The following FAM168A variants were observed in gnomAD, a reference collection of about 807,000 sequenced individuals.
FAM168A encodes family with sequence similarity 168 member A.
A neutral mutation model predicts 28.5 loss-of-function variants in FAM168A; 3 were observed. The observed-to-expected ratio is 0.11, with a 90% CI of 0.05 to 0.27. FAM168A has a LOEUF of 0.27. FAM168A is among the 10% of genes least tolerant of loss of function. The probability of loss-of-function intolerance (pLI) is 1.00; values close to 1 mark genes in which losing one functional copy is unlikely to be tolerated. For missense variants in FAM168A, 222 were observed against 311.5 expected (o/e 0.71, Z 2.16); for synonymous variants, 122 against 124.2 (o/e 0.98, Z 0.12).
At chr11:73,587,398 A>G (rs574602509) in intron 1 of FAM168A, among the ~76,000 whole-genome samples, 1 of 152,118 alleles carries the variant, frequency 6.6e-6, no homozygotes, top group South Asian at 2.1e-4. Flanking sequence ...TGGCTGAGGC[A>G]GGAGAATTGC....
rs1866455723 is a variant in FAM168A at position 73,403,826 on chromosome 11, C to T, written c.*2937G>A. Reference sequence around the variant, plus strand: ...CTGAAAAAGGGGTGCTGGACCTGGGCTCTTCCAGACCACAGCCTTTCAGTG... The same window carrying T: ...CTGAAAAAGGGGTGCTGGACCTGGGTTCTTCCAGACCACAGCCTTTCAGTG... On this transcript the variant is annotated 3_prime_UTR_variant, in exon 8 of 8. Transcript: ENST00000356467. The T allele has an allele frequency of 6.6e-6, 1 of 152,270 alleles. No individual in the cohort carries two copies. 9.4% of individuals were successfully genotyped at this position (152,270 alleles called of 1,614,324 possible). A position where few individuals can be genotyped will look rare whatever the true frequency, so the allele number is the denominator to read the frequency against.
intron 6 of FAM168A, among the ~76,000 whole-genome samples, chr11:73,408,604 C>CA: frequency 6.6e-6 from 1 of 152,082 alleles, no homozygotes; most frequent in Non-Finnish European, 1.5e-5. Context: ...CATGGTGAAA[C>CA]CCTGCCTCCA....
rs575124714 is a variant in FAM168A at position 73,587,321 on chromosome 11, G to A, written c.-19+10602C>T. Among the ~76,000 whole-genome samples, 283 of 152,038 alleles carry A rather than the reference G, an allele frequency of 1.9e-3. 2 individuals carry two copies. Among genetic ancestry groups the A allele is most frequent in the African/African-American group, 6.7e-3 (277 of 41,498 alleles). On this transcript the variant is annotated intron_variant, in intron 1 of 7. Coordinates refer to ENST00000356467, the MANE Select transcript of FAM168A (RefSeq NM_015159.3). The stretch of plus-strand genomic sequence containing the variant: ...GCCTGGCTAACATGGCAAAAACCCC[G>A]TTTCTACTAAAAATACAAAAATTAG...
At chr11:73,455,492 T>C (rs191478379) in intron 2 of FAM168A, among the ~76,000 whole-genome samples, 1 of 152,348 alleles carries the variant, frequency 6.6e-6, no homozygotes, top group Admixed American at 6.5e-5. Context: ...TTATTTATTA[T>C]GTTAGGCTTT....
intron 1 of FAM168A, among the ~76,000 whole-genome samples, chr11:73,492,388 T>C (rs1868140718): frequency 6.6e-6 from 1 of 152,186 alleles, no homozygotes; most frequent in Non-Finnish European, 1.5e-5. Flanking sequence ...GGTTTATGCC[T>C]ATAATCTCAG....
Position 73,453,614 on chromosome 11 carries a change from C to T in FAM168A, c.70+14791G>A, listed in dbSNP as rs2134550682. Among the ~76,000 whole-genome samples, 3 of 152,278 alleles carry T rather than the reference C, an allele frequency of 2.0e-5. No individual in the cohort carries two copies. The Middle Eastern group carries it at 0.01, about 518-fold the overall frequency. On this transcript the variant is annotated intron_variant, in intron 2 of 7. Transcript: ENST00000356467. ...TCCTTAAAGTCTCACGAATAAGTGACAGATAGGGTAGATACTATTATTCCT... is the reference window on the plus strand; with the variant it reads ...TCCTTAAAGTCTCACGAATAAGTGATAGATAGGGTAGATACTATTATTCCT...
At chr11:73,536,402 C>T (rs1943581836) in intron 1 of FAM168A, among the ~76,000 whole-genome samples, 1 of 152,044 alleles carries the variant, frequency 6.6e-6, no homozygotes, top group East Asian at 1.9e-4. Context: ...AATAGGCCTC[C>T]CCAGGCCAAG....
chr11:73,546,383 C>A (rs1943752979), intron 1 of FAM168A, among the ~76,000 whole-genome samples: 2 of 152,160 alleles, frequency 1.3e-5, no homozygotes, highest in African/African-American at 4.8e-5. Context: ...ACTGACTAAC[C>A]AATTTTGAAA....
At chr11:73,461,469 T>C (rs570924580) in intron 2 of FAM168A, among the ~76,000 whole-genome samples, 5 of 152,310 alleles carry the variant, frequency 3.3e-5, no homozygotes, top group African/African-American at 1.2e-4. Flanking sequence ...CTCAGGTTTC[T>C]CATCTAAGAA....
At chr11:73,473,280 G>A (rs1867840369) in intron 1 of FAM168A, among the ~76,000 whole-genome samples, 1 of 152,160 alleles carries the variant, frequency 6.6e-6, no homozygotes, top group Non-Finnish European at 1.5e-5. Flanking sequence ...TGATTTCAAT[G>A]TCCAAGTTAC....
At chr11:73,422,158 C>T (rs758862574) in intron 3 of FAM168A, among the ~76,000 whole-genome samples, 11 of 152,100 alleles carry the variant, frequency 7.2e-5, no homozygotes, top group Non-Finnish European at 1.5e-4. Flanking sequence ...CACAGCCACA[C>T]GCCAACCAGG....
At chr11:73,581,115 T>A (rs1944239146) in intron 1 of FAM168A, among the ~76,000 whole-genome samples, 1 of 152,240 alleles carries the variant, frequency 6.6e-6, no homozygotes, top group Admixed American at 6.5e-5. Context: ...ATGCTAAATG[T>A]GAAATGTCAA....
At chr11:73,523,705 T>C (rs997400083) in intron 1 of FAM168A, among the ~76,000 whole-genome samples, 4 of 152,024 alleles carry the variant, frequency 2.6e-5, no homozygotes, top group Admixed American at 2.0e-4. Flanking sequence ...CACCTCAGCC[T>C]CCCAAAGTGC....
At chr11:73,490,105 T>C (rs1565267946) in intron 1 of FAM168A, among the ~76,000 whole-genome samples, 1 of 152,226 alleles carries the variant, frequency 6.6e-6, no homozygotes, top group Non-Finnish European at 1.5e-5. Context: ...CTCCATGCTT[T>C]TAATTGCACA....
At chr11:73,408,294 A>T (rs984077637) in intron 6 of FAM168A, among the ~76,000 whole-genome samples, 1 of 152,106 alleles carries the variant, frequency 6.6e-6, no homozygotes, top group Non-Finnish European at 1.5e-5. Context: ...TTCTGATCTG[A>T]TCTATTGATA....
chr11:73,459,445 C>G (rs1313767153), intron 2 of FAM168A, among the ~76,000 whole-genome samples: 1 of 149,828 alleles, frequency 6.7e-6, no homozygotes, highest in Admixed American at 6.6e-5. Flanking sequence ...GAGATTGCAC[C>G]ACTGCACTCC....
intron 1 of FAM168A, among the ~76,000 whole-genome samples, chr11:73,534,456 G>A (rs894933940): frequency 9.3e-5 from 14 of 150,330 alleles, no homozygotes; most frequent in East Asian, 3.9e-4. Flanking sequence ...AGGCTGGAGC[G>A]CAATGGTGCG....
chr11:73,565,874 A>G (rs982337008), intron 1 of FAM168A, among the ~76,000 whole-genome samples: 2 of 152,220 alleles, frequency 1.3e-5, no homozygotes. Flanking sequence ...ATTAAGTAAT[A>G]ACATGAGAGA....
At chr11:73,579,066 T>C (rs539077487) in intron 1 of FAM168A, among the ~76,000 whole-genome samples, 1 of 152,310 alleles carries the variant, frequency 6.6e-6, no homozygotes, top group South Asian at 2.1e-4. Flanking sequence ...TATCCTCACA[T>C]AGTGGAAAGC....
Sources: gnomAD v4.1 joint callset for allele counts (sites outside exome capture counted in the v4.1 genomes callset) on GRCh38, gnomAD v4.1.1 for gene constraint, MANE v1.5 for transcripts, NCBI Gene and HGNC (gene_info 2026-07-23, HGNC 2026-07-21) for gene names.